Variants in ZMIZ1 observed in about 807,000 individuals in gnomAD.
The protein encoded by ZMIZ1 is zinc finger MIZ-type containing 1, also known as zinc finger MIZ domain-containing protein 1.
Under a neutral mutation model 113.9 loss-of-function variants are expected in ZMIZ1, and 17 were observed. The observed-to-expected ratio is 0.15, with a 90% CI of 0.10 to 0.22. The LOEUF is 0.22. Ranked by LOEUF, ZMIZ1 falls within the 10% of genes least tolerant of loss-of-function variation. The pLI, the probability that ZMIZ1 is intolerant of heterozygous loss-of-function variation, is 1.00. For synonymous variants in ZMIZ1, 607 were observed against 603.1 expected (o/e 1.01, Z -0.09); for missense variants, 1,059 against 1,477.8 (o/e 0.72, Z 4.65).
intron 6 of ZMIZ1, among the ~76,000 whole-genome samples, chr10:79,210,862 T>C (rs1848502536): frequency 6.6e-6 from 1 of 152,042 alleles, no homozygotes; most frequent in African/African-American, 2.4e-5. Context: ...GGAGGGATCA[T>C]GGAGGGCTTC....
At position 79,071,555 on chromosome 10, in the gene ZMIZ1, T is replaced by C. The variant is rs1589238770; in HGVS notation, c.-337+2285T>C. 2.6e-5 allele frequency among the ~76,000 whole-genome samples: 4 copies of C among 152,222 alleles called. No homozygotes were observed. The South Asian group carries it at 6.2e-4, about 24-fold the overall frequency. On this transcript the variant is annotated intron_variant, in intron 1 of 24. Coordinates refer to ENST00000334512, the MANE Select transcript of ZMIZ1 (RefSeq NM_020338.4). ...AAGTTGAGATGAGAGAGCAAGCTCT[T>C]TCTTAGCCTTCTCAGCCCCGGCTGC...
At chr10:79,183,358 GCACACACACACACA>G (rs57212618) in intron 4 of ZMIZ1, among the ~76,000 whole-genome samples, 7 of 150,692 alleles carry the variant, frequency 4.6e-5, no homozygotes, top group Admixed American at 1.3e-4. Flanking sequence ...TCGTGCACGC[GCACACACACACACA>G]CACACACACA....
At chr10:79,246,025 C>A (rs953767709) in intron 7 of ZMIZ1, among the ~76,000 whole-genome samples, 1 of 152,218 alleles carries the variant, frequency 6.6e-6, no homozygotes, top group Admixed American at 6.5e-5. Flanking sequence ...ACAGTGCAGG[C>A]GAGTCTGTTA....
At chr10:79,099,238 C>T (rs1843272468) in intron 1 of ZMIZ1, among the ~76,000 whole-genome samples, 1 of 152,136 alleles carries the variant, frequency 6.6e-6, no homozygotes, top group Admixed American at 6.5e-5. Flanking sequence ...TGGGGACCCA[C>T]CGTGAGGCCC....
chr10:79,291,051 C>T lies in ZMIZ1; in HGVS notation c.633C>T (p.Leu211=), dbSNP rs374013187. The T allele has an allele frequency of 6.2e-7, 1 of 1,614,146 alleles. No homozygotes were observed. Among genetic ancestry groups the T allele is most frequent in the Non-Finnish European group, 8.5e-7 (1 of 1,180,062 alleles). Residue 211 remains leucine, a synonymous_variant, in exon 10 of 25, where the codon CTC becomes CTT. Transcript: ENST00000334512. ...GCATGACCACCAGCAACCCAGGCCT[C>T]AACTCCCCACAGTTTGCGGGGCAGC... ...ASGMTTSNPG[L]NSPQFAGQQQ...
intron 4 of ZMIZ1, among the ~76,000 whole-genome samples, chr10:79,193,656 G>A (rs1847702278): frequency 6.6e-6 from 1 of 152,192 alleles, no homozygotes; most frequent in Non-Finnish European, 1.5e-5. Context: ...ATCTAGTGCT[G>A]CTACGATGGG....
chr10:79,274,967 G>A (rs1852180288), intron 7 of ZMIZ1, among the ~76,000 whole-genome samples: 1 of 152,246 alleles, frequency 6.6e-6, no homozygotes, highest in African/African-American at 2.4e-5. Flanking sequence ...GAGGGGTGGG[G>A]CGGGCAGCAG....
intron 23 of ZMIZ1, among the ~76,000 whole-genome samples, chr10:79,309,506 C>CA (rs1222436326): frequency 6.6e-6 from 1 of 152,166 alleles, no homozygotes; most frequent in African/African-American, 2.4e-5. Flanking sequence ...CCAAGGTCTC[C>CA]AGCAGCACCG....
chr10:79,256,688 G>A (rs1463352181), intron 7 of ZMIZ1, among the ~76,000 whole-genome samples: 3 of 152,238 alleles, frequency 2.0e-5, no homozygotes, highest in East Asian at 1.9e-4. Flanking sequence ...TGTTTCCACA[G>A]GGGGCATGTC....
intron 18 of ZMIZ1, 136 bp downstream of exon 18, chr10:79,302,348 G>GCA: frequency 1.2e-6 from 1 of 852,804 alleles, no homozygotes; most frequent in African/African-American, 1.7e-5. Flanking sequence ...GTGTCCCTGA[G>GCA]CGCGCCCTGT....
chr10:79,232,994 G>A (rs1849453223), intron 7 of ZMIZ1, among the ~76,000 whole-genome samples: 1 of 152,216 alleles, frequency 6.6e-6, no homozygotes, highest in African/African-American at 2.4e-5. Context: ...GCTCCCTCTT[G>A]GCTCCTGGCT....
In ZMIZ1 at chr10:79,088,699, G is replaced by A. The variant is rs117540881; in HGVS notation, c.-337+19429G>A. ...AGATCTTTTATCTGCTGCAATGCTG[G>A]CTGCTTTCTGGGACTTGGGGAAGGT... On this transcript the variant is annotated intron_variant, in intron 1 of 24. Coordinates refer to ENST00000334512, the MANE Select transcript of ZMIZ1 (RefSeq NM_020338.4). Among the ~76,000 whole-genome samples, 464 of 152,314 alleles carry A rather than the reference G, an allele frequency of 3.0e-3. 13 individuals carry two copies. In the East Asian group the frequency reaches 0.079, roughly 26 times the overall value.
intron 1 of ZMIZ1, among the ~76,000 whole-genome samples, chr10:79,070,151 G>T (rs55883128): frequency 1.9e-4 from 29 of 151,292 alleles, no homozygotes; most frequent in East Asian, 7.8e-4. Context: ...GGGGTCGGGG[G>T]GGGGAGGCGG....
intron 3 of ZMIZ1, among the ~76,000 whole-genome samples, chr10:79,143,899 G>A (rs912700500): frequency 6.6e-6 from 1 of 152,154 alleles, no homozygotes; most frequent in African/African-American, 2.4e-5. Context: ...CGTGAGAGGA[G>A]GCTCAGGAGA....
At chr10:79,215,374 A>G (rs1289978493) in intron 6 of ZMIZ1, among the ~76,000 whole-genome samples, 1 of 148,504 alleles carries the variant, frequency 6.7e-6, no homozygotes, top group African/African-American at 2.5e-5. Flanking sequence ...ATCTAGGCCC[A>G]CTGCAACTTC....
In ZMIZ1 at chr10:79,083,349, C is replaced by T. The variant is rs118080913; in HGVS notation, c.-337+14079C>T. Among the ~76,000 whole-genome samples the T allele has an allele frequency of 1.8e-4, 27 of 152,228 alleles. 1 individual carries two copies. In the East Asian group the frequency reaches 5.2e-3, roughly 29 times the overall value. The stretch of plus-strand genomic sequence containing the variant: ...AGTGGGAACAGCATGTGCAAAGGCC[C>T]TGTGGCAGATGCTTGTTTGGCGTGG... On this transcript the variant is annotated intron_variant, in intron 1 of 24. Transcript: ENST00000334512.
rs147106221 is a variant in ZMIZ1, at chr10:79,224,824, T to C, written c.280+8550T>C. Among the ~76,000 whole-genome samples the C allele has an allele frequency of 1.6e-4, 24 of 152,242 alleles. No individual in the cohort carries two copies. In the East Asian group the frequency reaches 4.2e-3, roughly 27 times the overall value. On this transcript the variant is annotated intron_variant, in intron 7 of 24. Coordinates refer to ENST00000334512, the MANE Select transcript of ZMIZ1 (RefSeq NM_020338.4). ...GCGGTGAGGATTCCAGTGCAAGTTG[T>C]TCCTTCAGGAGGATCCCAGAAAGCA...
intron 7 of ZMIZ1, among the ~76,000 whole-genome samples, chr10:79,224,680 A>G (rs933571400): frequency 2.6e-5 from 4 of 152,182 alleles, no homozygotes; most frequent in African/African-American, 4.8e-5. Flanking sequence ...GGGATAGGGG[A>G]TCTGCACAGT....
In ZMIZ1 at chr10:79,306,207, G is replaced by T. The variant is rs777328350; in HGVS notation, c.2531G>T (p.Arg844Leu). ...GACCCTGATGGCATCCCCTCCAAGC[G>T]GTTCAAGACCATGAGTCCCAGCCAG... Reference protein sequence around the residue: ...KDDPDGIPSKRFKTMSPSQMI... With the variant: ...KDDPDGIPSKLFKTMSPSQMI... The change falls in exon 22 of 25, where the codon CGG (arginine) becomes CTG (leucine). Residue 844 changes from arginine to leucine, a missense_variant. Physicochemically the swap from Arg to Leu is moderately radical, Grantham distance 102 (BLOSUM62 -2). This residue lies in a region of ZMIZ1 where 217 missense variants were observed against 426.9 expected (regional missense o/e 0.51). Transcript: ENST00000334512. 4.3e-6 allele frequency: 7 copies of T among 1,614,166 alleles called. No individual in the cohort carries two copies. Among genetic ancestry groups the T allele is most frequent in the Non-Finnish European group, 5.9e-6 (7 of 1,180,032 alleles).
Sources: allele counts gnomAD v4.1 joint callset (sites outside exome capture counted in the v4.1 genomes callset), GRCh38; gene constraint gnomAD v4.1.1; regional missense constraint gnomAD v4.1.1; transcripts MANE v1.5; gene names NCBI Gene and HGNC (gene_info 2026-07-23, HGNC 2026-07-21).